The following ERICH6 variants were observed in gnomAD, a reference collection of about 807,000 sequenced individuals.
ERICH6 encodes the protein glutamate rich 6.
ERICH6 carries 71 observed loss-of-function variants against 71.0 expected under a neutral mutation model. That is an observed-to-expected ratio of 1.00 (90% confidence interval 0.83 to 1.22). The LOEUF is 1.22. ERICH6 is among the 50% of genes most tolerant of loss of function. The probability of loss-of-function intolerance (pLI) is 0.00; values close to 1 mark genes in which losing one functional copy is unlikely to be tolerated. For synonymous variants in ERICH6, 262 were observed against 278.4 expected, an observed-to-expected ratio of 0.94 and a Z score of 0.59; for missense variants, 808 against 797.2, an observed-to-expected ratio of 1.01 and a Z score of -0.16.
At chr3:150,682,186 T>G in intron 7 of ERICH6, 32 bp downstream of exon 7, 4 of 1,525,428 alleles carry the variant, frequency 2.6e-6, no homozygotes, top group Non-Finnish European at 3.6e-6. Context: ...AAGATAATAC[T>G]ATTTCCACAG....
intron 11 of ERICH6, among the ~76,000 whole-genome samples, chr3:150,672,380 C>A (rs896029821): frequency 6.6e-6 from 1 of 151,298 alleles, no homozygotes; most frequent in Admixed American, 6.6e-5. Flanking sequence ...AGCAGGTTAC[C>A]TGAATTCAAG....
intron 12 of ERICH6, 63 bp downstream of exon 12, chr3:150,669,233 A>G (rs754305312): frequency 6.6e-7 from 1 of 1,508,896 alleles, no homozygotes; most frequent in Non-Finnish European, 8.9e-7. Context: ...ATTTAAAAAG[A>G]AAAAACAAAA....
intron 3 of ERICH6, among the ~76,000 whole-genome samples, chr3:150,696,207 G>A (rs1257935289): frequency 1.3e-5 from 2 of 151,664 alleles, no homozygotes; most frequent in African/African-American, 4.8e-5. Context: ...AAAGCAGAGT[G>A]GAAAGGTTGG....
chr3:150,662,419 G>T (rs1464110858), intron 13 of ERICH6, among the ~76,000 whole-genome samples: 1 of 152,154 alleles, frequency 6.6e-6, no homozygotes, highest in Non-Finnish European at 1.5e-5. Flanking sequence ...AAAATAAAAG[G>T]ATAGAGAGGG....
chr3:150,669,545 A>G, intron 11 of ERICH6, 94 bp from the exon 12 acceptor site: 1 of 1,379,276 alleles, frequency 7.3e-7, no homozygotes, highest in Non-Finnish European at 1.0e-6. Context: ...GAAATCATAA[A>G]GCATTCTGAA....
chr3:150,702,128 T>A lies in ERICH6; in HGVS notation c.454A>T (p.Ile152Leu). Residue 152 changes from isoleucine (I) to leucine (L), a missense_variant, in exon 2 of 14, where the codon ATA becomes TTA. By Grantham distance (5) the Ile-to-Leu change is conservative (BLOSUM62 2). This residue lies in a region of ERICH6 where 736 missense variants were observed against 712.2 expected (regional missense o/e 1.03). Coordinates refer to ENST00000295910, the MANE Select transcript of ERICH6 (RefSeq NM_152394.5). The part of the protein sequence containing the change: ...TFRKDMSEMS[I>L]DRNIHRNLSP... The stretch of plus-strand genomic sequence containing the variant: ...TTGAAAACATTTTCTTACCTATCTA[T>A]ACTCATTTCAGACATGTCTTTCCTA... 1 of 1,568,634 alleles carries A rather than the reference T, an allele frequency of 6.4e-7. No homozygotes were observed. The highest frequency in any genetic ancestry group is 1.1e-5 in the South Asian group (1 of 87,022).
chr3:150,671,267 A>T lies in ERICH6; in HGVS notation c.1344-1816T>A, dbSNP rs138431341. Reference sequence around the variant, plus strand: ...ATTGGGGTTTAAGTAAACACTTACGAAACGATGACCAAAAATGACTTTCTT... The same window carrying T: ...ATTGGGGTTTAAGTAAACACTTACGTAACGATGACCAAAAATGACTTTCTT... On this transcript the variant is annotated intron_variant, in intron 11 of 13. Transcript: ENST00000295910. 3.3e-5 allele frequency among the ~76,000 whole-genome samples: 5 copies of T among 152,372 alleles called. No individual in the cohort carries two copies. In the East Asian group the frequency reaches 9.6e-4, roughly 29 times the overall value.
intron 1 of ERICH6, 64 bp from the exon 2 acceptor site, chr3:150,702,242 C>T: frequency 4.1e-6 from 4 of 963,888 alleles, no homozygotes; most frequent in Admixed American, 2.5e-5. Flanking sequence ...TTCTACCCCC[C>T]CCAGGAACAC....
intron 11 of ERICH6, among the ~76,000 whole-genome samples, chr3:150,672,481 C>G (rs1711513527): frequency 6.6e-6 from 1 of 151,170 alleles, no homozygotes; most frequent in South Asian, 2.1e-4. Context: ...GCCTGTAATC[C>G]CAGCTACTCG....
chr3:150,663,489 C>G (rs72616692), intron 13 of ERICH6, among the ~76,000 whole-genome samples: 42,560 of 151,958 alleles, frequency 0.28, 6,184 homozygotes, highest in East Asian at 0.51. Flanking sequence ...GGGTCTTGCT[C>G]TGTTGCCCAG....
chr3:150,667,853 C>T (rs62284044), intron 12 of ERICH6, among the ~76,000 whole-genome samples: 7,635 of 152,226 alleles, frequency 0.05, 219 homozygotes, highest in Non-Finnish European at 0.069. Context: ...CCCTAGCTAA[C>T]ATCTCATGTT....
In ERICH6 at chr3:150,680,770, T is replaced by C; in HGVS notation, c.1040+3A>G. On this transcript the variant is annotated splice_donor_region_variant and intron_variant, in intron 8 of 13. Transcript: ENST00000295910. ...AGTTTCAGTATCGAAGTCTCAATGT[T>C]ACCTTTGCAGGGCTTTTTCTTTTGC... is the stretch of plus-strand genomic sequence containing the variant. 1 of 1,598,218 alleles carries C rather than the reference T, an allele frequency of 6.3e-7. No homozygotes were observed. The highest frequency in any genetic ancestry group is 1.1e-5 in the South Asian group (1 of 88,578).
At chr3:150,686,419 A>G in intron 3 of ERICH6, 65 bp from the exon 4 acceptor site, 3 of 1,346,666 alleles carry the variant, frequency 2.2e-6, no homozygotes, top group Non-Finnish European at 3.1e-6. Context: ...ATATAAAAGA[A>G]AATACATCTC....
At chr3:150,692,557 C>T (rs958509524) in intron 3 of ERICH6, among the ~76,000 whole-genome samples, 1 of 152,004 alleles carries the variant, frequency 6.6e-6, no homozygotes, top group African/African-American at 2.4e-5. Flanking sequence ...ATACAGGAAG[C>T]ACTGTCAAAT....
Position 150,703,917 on chromosome 3 carries a change from T to G in ERICH6, c.-19A>C. On this transcript the variant is annotated 5_prime_UTR_variant, in exon 1 of 14. Coordinates refer to ENST00000295910, the MANE Select transcript of ERICH6 (RefSeq NM_152394.5). ...GGGCCATGGCTGGCGGGAGGCGGGA[T>G]TACAGCCAGCTCTTTGGCCGCGGCC... 1 of 1,611,720 alleles carries G rather than the reference T, an allele frequency of 6.2e-7. No individual in the cohort carries two copies. Among genetic ancestry groups the G allele is most frequent in the South Asian group, 1.1e-5 (1 of 90,638 alleles).
chr3:150,674,805 C>A (rs1442030862), intron 10 of ERICH6, among the ~76,000 whole-genome samples: 1 of 146,522 alleles, frequency 6.8e-6, no homozygotes, highest in Non-Finnish European at 1.5e-5. Flanking sequence ...GCCCCCCAAC[C>A]TTTTTTTTTT....
At chr3:150,702,242 C>CG in intron 1 of ERICH6, 64 bp from the exon 2 acceptor site, 1 of 963,890 alleles carries the variant, frequency 1.0e-6, no homozygotes, top group African/African-American at 1.7e-5. Flanking sequence ...TTCTACCCCC[C>CG]CCAGGAACAC....
intron 3 of ERICH6, among the ~76,000 whole-genome samples, chr3:150,689,883 T>C (rs1410427617): frequency 2.0e-5 from 3 of 152,214 alleles, no homozygotes. Context: ...AACAGACAAG[T>C]TCAGCTCAGC....
chr3:150,689,435 C>T (rs547124429), intron 3 of ERICH6, among the ~76,000 whole-genome samples: 2 of 152,302 alleles, frequency 1.3e-5, no homozygotes, highest in East Asian at 3.9e-4. Flanking sequence ...GTTCCTAAAT[C>T]AAGCCCTTTC....
Sources: allele counts gnomAD v4.1 joint callset (sites outside exome capture counted in the v4.1 genomes callset), GRCh38; gene constraint gnomAD v4.1.1; regional missense constraint gnomAD v4.1.1; transcripts MANE v1.5; gene names NCBI Gene and HGNC (gene_info 2026-07-23, HGNC 2026-07-21).